ZNF133: variants seen among roughly 807,000 people sequenced by gnomAD.
ZNF133 encodes the protein zinc finger protein 133, also known as zinc finger protein 133 (clone pHZ-13).
In ZNF133, 26 loss-of-function variants were observed where a neutral mutation model predicts 54.9. That is an observed-to-expected ratio of 0.47 (90% confidence interval 0.35 to 0.66). The LOEUF is 0.66. ZNF133 is among the 30% of genes least tolerant of loss of function. ZNF133 has a pLI of 0.01. For missense variants in ZNF133, 653 were observed against 820.8 expected (o/e 0.80, Z 2.50); for synonymous variants, 298 against 320.3 (o/e 0.93, Z 0.74).
At chr20:18,294,945 A>C (rs2041929937) in intron 1 of ZNF133, among the ~76,000 whole-genome samples, 1 of 152,184 alleles carries the variant, frequency 6.6e-6, no homozygotes, top group African/African-American at 2.4e-5. Context: ...AACTGTCATC[A>C]AGTTAAGGTC....
At chr20:18,293,417 G>A (rs2041523938) in intron 1 of ZNF133, among the ~76,000 whole-genome samples, 1 of 152,210 alleles carries the variant, frequency 6.6e-6, no homozygotes, top group African/African-American at 2.4e-5. Context: ...GTAGTGTAAG[G>A]GCTTCCAGCA....
In ZNF133 at chr20:18,303,024, T is replaced by A. The variant is rs1333684802; in HGVS notation, c.-177-1984T>A. On this transcript the variant is annotated intron_variant, in intron 3 of 6. Coordinates refer to ENST00000425686, the MANE Select transcript of ZNF133 (RefSeq NM_001352452.2). ...AAAGATGTAAATAAATGGAAAGACA[T>A]CACATGTTTGTAGACTGGAAAACTA... 4.0e-5 allele frequency among the ~76,000 whole-genome samples: 6 copies of A among 151,432 alleles called. No individual in the cohort carries two copies. In the East Asian group the frequency reaches 1.2e-3, roughly 29 times the overall value.
Position 18,316,705 on chromosome 20 carries a change from G to T in ZNF133, c.1854G>T (p.Lys618Asn). 1 of 1,614,224 alleles carries T rather than the reference G, an allele frequency of 6.2e-7. No homozygotes were observed. Among genetic ancestry groups the T allele is most frequent in the Non-Finnish European group, 8.5e-7 (1 of 1,180,042 alleles). Residue 618 changes from lysine to asparagine, a missense_variant, in exon 7 of 7, where the codon AAG becomes AAT. Physicochemically the swap from Lys to Asn is moderately conservative, Grantham distance 94. This residue lies in a region of ZNF133 where 129 missense variants were observed against 138.5 expected (regional missense o/e 0.93). Coordinates refer to ENST00000425686, the MANE Select transcript of ZNF133 (RefSeq NM_001352452.2). ...CKTCGRGFSL[K>N]SHLSRHRKTT... Reference sequence around the variant, plus strand: ...CGTGTGGGCGGGGCTTCAGCCTCAAGTCTCACCTCAGCAGACACAGGAAGA... The same window carrying T: ...CGTGTGGGCGGGGCTTCAGCCTCAATTCTCACCTCAGCAGACACAGGAAGA...
At chr20:18,310,332 A>G (rs1401948369) in intron 6 of ZNF133, 3 of 1,525,704 alleles carry the variant, frequency 2.0e-6, no homozygotes, top group East Asian at 4.9e-5. Flanking sequence ...TAACGGTTTC[A>G]TTATTCTATA....
intron 6 of ZNF133, among the ~76,000 whole-genome samples, chr20:18,311,356 T>C (rs1205862965): frequency 1.3e-5 from 2 of 152,172 alleles, no homozygotes; most frequent in African/African-American, 4.8e-5. Flanking sequence ...AAATTGGATA[T>C]CTGGTGAGGT....
Position 18,310,111 on chromosome 20 carries a change from G to T in ZNF133, c.217+3718G>T, listed in dbSNP as rs978305357. ...AATAACAAGCAGCTTACCTATCATT[G>T]TCTTAAAGCGAAACCTATCTTTTTT... is the stretch of plus-strand genomic sequence containing the variant. On this transcript the variant is annotated intron_variant, in intron 6 of 6. Transcript: ENST00000425686. 4.8e-5 allele frequency: 62 copies of T among 1,285,846 alleles called. 1 individual carries two copies. Among genetic ancestry groups the T allele is most frequent in the Non-Finnish European group, 5.9e-6 (6 of 1,014,354 alleles). 79.7% of individuals were successfully genotyped at this position (1,285,846 alleles called of 1,614,324 possible).
At chr20:18,294,100 T>G (rs2041719676) in intron 1 of ZNF133, among the ~76,000 whole-genome samples, 1 of 152,166 alleles carries the variant, frequency 6.6e-6, no homozygotes, top group Admixed American at 6.5e-5. Flanking sequence ...GTAGTGACTT[T>G]ACAATGGAGA....
chr20:18,291,006 A>G (rs2040852140), intron 1 of ZNF133, among the ~76,000 whole-genome samples: 1 of 152,194 alleles, frequency 6.6e-6, no homozygotes, highest in Non-Finnish European at 1.5e-5. Context: ...ACACACCAAT[A>G]ATCCCAGCTA....
chr20:18,314,374 A>C (rs776188393), intron 6 of ZNF133: 10 of 152,146 alleles, frequency 6.6e-5, no homozygotes, highest in Non-Finnish European at 1.3e-4. Context: ...TTTTGGGGAA[A>C]ATTTTATTTA....
chr20:18,315,669 G>A lies in ZNF133; in HGVS notation c.818G>A (p.Arg273Lys), dbSNP rs6045322. The change falls in exon 7 of 7, where the codon AGG becomes AAG. Residue 273 changes from arginine (R) to lysine (K), a missense_variant. By Grantham distance (26) the Arg-to-Lys change is conservative. Around this residue, in one of 4 missense-constraint regions of ZNF133, gnomAD observed 292 missense variants for 431.6 expected, o/e 0.68. Transcript: ENST00000425686. ...AHSGEKPIVC[R>K]ECGRGFNRKS... ...TCGGGGGAGAAGCCAATTGTGTGCA[G>A]GGAGTGTGGACGAGGCTTTAACCGG... is the stretch of plus-strand genomic sequence containing the variant. The A allele has an allele frequency of 6.2e-7, 1 of 1,613,976 alleles. No homozygotes were observed. The highest frequency in any genetic ancestry group is 8.5e-7 in the Non-Finnish European group (1 of 1,179,950).
intron 6 of ZNF133, among the ~76,000 whole-genome samples, chr20:18,309,158 C>T (rs1335471782): frequency 6.6e-6 from 1 of 152,194 alleles, no homozygotes; most frequent in East Asian, 1.9e-4. Context: ...AGGGCCCACC[C>T]TTACGACCTT....
chr20:18,298,956 A>AAAAAC (rs542025406), intron 3 of ZNF133, among the ~76,000 whole-genome samples: 1 of 152,174 alleles, frequency 6.6e-6, no homozygotes, highest in Non-Finnish European at 1.5e-5. Context: ...CATCAATATT[A>AAAAAC]AAAACAAAAC....
chr20:18,307,380 C>T (rs140088489), intron 6 of ZNF133, among the ~76,000 whole-genome samples: 17 of 152,252 alleles, frequency 1.1e-4, no homozygotes, highest in African/African-American at 4.1e-4. Flanking sequence ...TGAAGTGTAT[C>T]TTCGCTCGAT....
intron 1 of ZNF133, among the ~76,000 whole-genome samples, chr20:18,293,528 A>G (rs530429564): frequency 6.6e-6 from 1 of 152,344 alleles, no homozygotes; most frequent in South Asian, 2.1e-4. Flanking sequence ...CACTTGTGTC[A>G]AATTTATTGG....
rs767687724 is a variant in ZNF133 at position 18,305,725 on chromosome 20, T to C, written c.39T>C (p.Asp13=). ...ATGTGGCTGTGGATTTCACCCAGGATGAGTGGAGGCTGCTGAGCCCTGCTC... is the reference window on the plus strand; with the variant it reads ...ATGTGGCTGTGGATTTCACCCAGGACGAGTGGAGGCTGCTGAGCCCTGCTC... ...FRDVAVDFTQ[D]EWRLLSPAQR... The change falls in exon 5 of 7, where the codon GAT becomes GAC. Residue 13 remains aspartate, a synonymous_variant. Transcript: ENST00000425686. The surrounding 1 kb of genome is among the most constrained non-coding windows in gnomAD (Gnocchi z 4.7). 6.2e-7 allele frequency: 1 copy of C among 1,614,168 alleles called. No homozygotes were observed. The highest frequency in any genetic ancestry group is 8.5e-7 in the Non-Finnish European group (1 of 1,180,020).
chr20:18,301,409 A>G (rs928143828), intron 3 of ZNF133, among the ~76,000 whole-genome samples: 3 of 152,094 alleles, frequency 2.0e-5, no homozygotes, highest in African/African-American at 7.2e-5. Context: ...GAAGGAAATA[A>G]TAAACACTGG....
chr20:18,315,631 C>A lies in ZNF133; in HGVS notation c.780C>A (p.His260Gln). Residue 260 changes from histidine to glutamine, a missense_variant, in exon 7 of 7, where the codon CAC (histidine) becomes CAA (glutamine). Coordinates refer to ENST00000425686, the MANE Select transcript of ZNF133 (RefSeq NM_001352452.2). ...GCCTAAAGAAGAGCCTCGCCAGACA[C>A]CAGAAGGCACACTCGGGGGAGAAGC... Reference protein sequence around the residue: ...GFSLKKSLARHQKAHSGEKPI... With the variant: ...GFSLKKSLARQQKAHSGEKPI... 1 of 1,614,020 alleles carries A rather than the reference C, an allele frequency of 6.2e-7. No individual in the cohort carries two copies. The highest frequency in any genetic ancestry group is 1.7e-5 in the Admixed American group (1 of 60,002).
In ZNF133 at chr20:18,298,065, G is replaced by A; in HGVS notation, c.-354+3G>A. The A allele has an allele frequency of 6.5e-7, 1 of 1,535,446 alleles. No homozygotes were observed. Among genetic ancestry groups the A allele is most frequent in the Non-Finnish European group, 8.7e-7 (1 of 1,146,732 alleles). ...GGTCCCGGAGAGCCAGGGGAATGGT[G>A]AGTGTTTCCTGTCTCCATTACTGGC... On this transcript the variant is annotated splice_donor_region_variant and intron_variant, in intron 2 of 6. Coordinates refer to ENST00000425686, the MANE Select transcript of ZNF133 (RefSeq NM_001352452.2).
intron 6 of ZNF133, chr20:18,306,605 T>G (rs1207003719): frequency 3.3e-6 from 3 of 922,688 alleles, no homozygotes; most frequent in South Asian, 3.7e-5. Context: ...CTTCCTCCAC[T>G]AGGAAGCCTT....
Sources: allele counts gnomAD v4.1 joint callset (sites outside exome capture counted in the v4.1 genomes callset), GRCh38; gene constraint gnomAD v4.1.1; regional missense constraint gnomAD v4.1.1; non-coding constraint Gnocchi (gnomAD v3.1); transcripts MANE v1.5; gene names NCBI Gene and HGNC (gene_info 2026-07-23, HGNC 2026-07-21).